The following HIVEP3 variants were observed in gnomAD, a reference collection of about 807,000 sequenced individuals.
HIVEP3 encodes the protein HIVEP zinc finger 3, also known as transcription factor HIVEP3.
Under a neutral mutation model 152.8 loss-of-function variants are expected in HIVEP3, and 49 were observed. The ratio of observed to expected loss-of-function variants is 0.32; its 90% CI spans 0.26 to 0.41. HIVEP3 has a LOEUF of 0.41. Among genes scored for constraint, HIVEP3 ranks in the 10% least tolerant of loss-of-function variants. HIVEP3 has a pLI of 1.00. For missense variants in HIVEP3, 2,790 were observed against 3,103.3 expected, an observed-to-expected ratio of 0.90 and a Z score of 2.40; for synonymous variants, 1,269 against 1,289.0, an observed-to-expected ratio of 0.98 and a Z score of 0.33.
At chr1:41,770,485 G>A (rs546349861) in intron 1 of HIVEP3, among the ~76,000 whole-genome samples, 12 of 152,094 alleles carry the variant, frequency 7.9e-5, no homozygotes, top group Admixed American at 3.9e-4. Flanking sequence ...TAGTGACTTC[G>A]CAATGAACCC....
intron 1 of HIVEP3, among the ~76,000 whole-genome samples, chr1:41,728,796 G>A (rs938604704): frequency 2.6e-5 from 4 of 152,208 alleles, no homozygotes; most frequent in Non-Finnish European, 5.9e-5. Context: ...GAACTGCTGT[G>A]GCCTGGGACT....
intron 1 of HIVEP3, among the ~76,000 whole-genome samples, chr1:42,015,917 G>A (rs1279207907): frequency 1.3e-5 from 2 of 152,204 alleles, no homozygotes; most frequent in African/African-American, 4.8e-5. Context: ...TTCATGCTTT[G>A]TGCCTTTTGA....
chr1:41,825,226 C>A (rs1451492276), intron 1 of HIVEP3, among the ~76,000 whole-genome samples: 1 of 152,014 alleles, frequency 6.6e-6, no homozygotes, highest in Non-Finnish European at 1.5e-5. Flanking sequence ...AGTACATTCT[C>A]AAGGCGGGAG....
chr1:41,909,446 T>C (rs2124463228), intron 1 of HIVEP3, among the ~76,000 whole-genome samples: 1 of 152,206 alleles, frequency 6.6e-6, no homozygotes, highest in East Asian at 1.9e-4. Flanking sequence ...TTCAAACCTA[T>C]AGGTACCTAA....
intron 1 of HIVEP3, among the ~76,000 whole-genome samples, chr1:41,870,464 C>T (rs1261447562): frequency 6.6e-6 from 1 of 152,180 alleles, no homozygotes; most frequent in Non-Finnish European, 1.5e-5. Context: ...TCTGATTTGT[C>T]ATTTCATTCC....
chr1:41,706,744 T>A (rs1414125732), intron 1 of HIVEP3, among the ~76,000 whole-genome samples: 1 of 152,150 alleles, frequency 6.6e-6, no homozygotes, highest in Non-Finnish European at 1.5e-5. Context: ...GGAGAGGAAT[T>A]AGTCACCAGG....
intron 1 of HIVEP3, among the ~76,000 whole-genome samples, chr1:41,994,734 T>C (rs1266319869): frequency 2.0e-5 from 3 of 152,216 alleles, no homozygotes; most frequent in Admixed American, 1.3e-4. Flanking sequence ...TAGTTATTTA[T>C]AGCAGTGTGA....
intron 1 of HIVEP3, among the ~76,000 whole-genome samples, chr1:42,012,442 C>A (rs1645498400): frequency 6.6e-6 from 1 of 151,838 alleles, no homozygotes; most frequent in Non-Finnish European, 1.5e-5. Flanking sequence ...AGAGGAAGAG[C>A]ATTTTGTGGG....
At chr1:41,588,698 C>A (rs563633876) in intron 3 of HIVEP3, among the ~76,000 whole-genome samples, 2 of 152,260 alleles carry the variant, frequency 1.3e-5, no homozygotes, top group African/African-American at 2.4e-5. Flanking sequence ...GCAAAAAGGC[C>A]ACAGGAGCAC....
At chr1:41,521,962 C>T (rs763949625) in intron 6 of HIVEP3, among the ~76,000 whole-genome samples, 2 of 152,250 alleles carry the variant, frequency 1.3e-5, no homozygotes, top group South Asian at 2.1e-4. Flanking sequence ...TCCCCAGCCC[C>T]ACCTACTGAC....
intron 1 of HIVEP3, among the ~76,000 whole-genome samples, chr1:41,771,894 T>G (rs913048750): frequency 3.9e-5 from 6 of 152,184 alleles, no homozygotes; most frequent in African/African-American, 1.4e-4. Flanking sequence ...CTCAAATTCC[T>G]GATCTCGTGA....
intron 5 of HIVEP3, among the ~76,000 whole-genome samples, chr1:41,560,082 G>A (rs549537261): frequency 1.1e-4 from 17 of 152,136 alleles, no homozygotes; most frequent in South Asian, 2.1e-4. Flanking sequence ...GGCACTATCC[G>A]GAATTTATTA....
At chr1:41,815,180 C>G (rs568768340) in intron 1 of HIVEP3, among the ~76,000 whole-genome samples, 57 of 152,296 alleles carry the variant, frequency 3.7e-4, no homozygotes, top group African/African-American at 1.3e-3. Context: ...AAAGAAAGTT[C>G]TAGGCAGAAG....
chr1:41,537,856 G>A (rs1004832066), intron 5 of HIVEP3, among the ~76,000 whole-genome samples: 1 of 152,200 alleles, frequency 6.6e-6, no homozygotes, highest in African/African-American at 2.4e-5. Flanking sequence ...TCCACGGCAC[G>A]CAGGCACAGA....
chr1:41,781,561 T>A (rs1389000889), intron 1 of HIVEP3, among the ~76,000 whole-genome samples: 1 of 152,222 alleles, frequency 6.6e-6, no homozygotes, highest in Admixed American at 6.5e-5. Flanking sequence ...GCCTTCTAGC[T>A]GGAGTCTTTC....
chr1:41,819,202 T>C lies in HIVEP3; in HGVS notation c.-801+99211A>G, dbSNP rs144564599. Among the ~76,000 whole-genome samples, 292 of 152,272 alleles carry C rather than the reference T, an allele frequency of 1.9e-3. 3 individuals are homozygous for C. Among genetic ancestry groups the C allele is most frequent in the African/African-American group, 6.8e-3 (284 of 41,560 alleles). On this transcript the variant is annotated intron_variant, in intron 1 of 8. Transcript: ENST00000372583. The stretch of plus-strand genomic sequence containing the variant: ...TGTGTGTGTTGAAATCTTTCAAATA[T>C]ACAGAAATGTACAGAGACTAATAAA...
chr1:41,958,344 A>G (rs922408019), intron 1 of HIVEP3, among the ~76,000 whole-genome samples: 1 of 152,216 alleles, frequency 6.6e-6, no homozygotes, highest in African/African-American at 2.4e-5. Flanking sequence ...AGGATTATAC[A>G]CCATTCTGAA....
intron 1 of HIVEP3, among the ~76,000 whole-genome samples, chr1:41,750,538 C>T (rs921851557): frequency 2.6e-5 from 4 of 152,128 alleles, no homozygotes; most frequent in African/African-American, 7.2e-5. Flanking sequence ...GGTTCCAAGG[C>T]GAGGCCATTG....
chr1:42,026,984 C>T (rs1051172925), intron 1 of HIVEP3, among the ~76,000 whole-genome samples: 2 of 152,168 alleles, frequency 1.3e-5, no homozygotes, highest in African/African-American at 2.4e-5. Flanking sequence ...TGCCTGATCT[C>T]ATCTACTTGG....
Sources: allele counts gnomAD v4.1 joint callset (sites outside exome capture counted in the v4.1 genomes callset), GRCh38; gene constraint gnomAD v4.1.1; transcripts MANE v1.5; gene names NCBI Gene and HGNC (gene_info 2026-07-23, HGNC 2026-07-21).